Variants in KCNH8 observed in about 807,000 individuals in gnomAD.
KCNH8 encodes the protein voltage-gated delayed rectifier potassium channel KCNH8.
Under a neutral mutation model 103.6 loss-of-function variants are expected in KCNH8, and 70 were observed. The observed-to-expected ratio is 0.68, with a 90% CI of 0.56 to 0.82. KCNH8 has a LOEUF of 0.82. KCNH8 is among the 40% of genes least tolerant of loss of function. KCNH8 has a pLI of 0.00. For synonymous variants in KCNH8, 498 were observed against 489.4 expected (o/e 1.02, Z -0.23); for missense variants, 1,217 against 1,329.9 (o/e 0.92, Z 1.32).
At chr3:19,479,826 G>A (rs1050886113) in intron 11 of KCNH8, among the ~76,000 whole-genome samples, 1 of 152,142 alleles carries the variant, frequency 6.6e-6, no homozygotes, top group Non-Finnish European at 1.5e-5. Context: ...ACCAATACTG[G>A]TTATGTTGCT....
intron 11 of KCNH8, among the ~76,000 whole-genome samples, chr3:19,467,467 G>C (rs1242299381): frequency 1.3e-5 from 2 of 152,166 alleles, no homozygotes; most frequent in East Asian, 3.9e-4. Context: ...TGACAGTCAT[G>C]CAACTTGGGT....
chr3:19,401,114 T>G (rs10514673), intron 7 of KCNH8, among the ~76,000 whole-genome samples: 6,644 of 152,024 alleles, frequency 0.044, 298 homozygotes, highest in East Asian at 0.2. Flanking sequence ...TGCACTGGAA[T>G]GAACCAAGGA....
intron 3 of KCNH8, among the ~76,000 whole-genome samples, chr3:19,334,589 A>G (rs1011478217): frequency 1.3e-5 from 2 of 151,950 alleles, no homozygotes; most frequent in Non-Finnish European, 2.9e-5. Flanking sequence ...AGCAAAACTA[A>G]AAGTCCAGTC....
chr3:19,182,981 G>C (rs2125203821), intron 1 of KCNH8, among the ~76,000 whole-genome samples: 1 of 152,336 alleles, frequency 6.6e-6, no homozygotes, highest in South Asian at 2.1e-4. Context: ...AAAAATTTAA[G>C]TAGTTTTCAA....
intron 1 of KCNH8, among the ~76,000 whole-genome samples, chr3:19,247,946 T>C (rs76921314): frequency 6.6e-6 from 1 of 152,126 alleles, no homozygotes; most frequent in Non-Finnish European, 1.5e-5. Flanking sequence ...CTACTTAGAG[T>C]TGTGATTCTC....
chr3:19,476,453 G>A (rs2067978488), intron 11 of KCNH8, among the ~76,000 whole-genome samples: 1 of 152,104 alleles, frequency 6.6e-6, no homozygotes, highest in Non-Finnish European at 1.5e-5. Flanking sequence ...TGGGTATCCT[G>A]AAAATCTTAT....
intron 7 of KCNH8, among the ~76,000 whole-genome samples, chr3:19,437,174 T>C (rs1472878940): frequency 6.6e-6 from 1 of 152,194 alleles, no homozygotes; most frequent in Non-Finnish European, 1.5e-5. Flanking sequence ...GTAGTTAGTA[T>C]CCATTACAAA....
chr3:19,246,496 C>T (rs1575465951), intron 1 of KCNH8, among the ~76,000 whole-genome samples: 1 of 151,830 alleles, frequency 6.6e-6, no homozygotes, highest in East Asian at 1.9e-4. Context: ...AGGATGGTCT[C>T]GATCTCTTGA....
chr3:19,227,223 T>C (rs562150595), intron 1 of KCNH8, among the ~76,000 whole-genome samples: 1 of 152,366 alleles, frequency 6.6e-6, no homozygotes, highest in South Asian at 2.1e-4. Context: ...AGCAACTCTG[T>C]TGTCCTTAAT....
intron 5 of KCNH8, among the ~76,000 whole-genome samples, chr3:19,361,202 A>C (rs971790687): frequency 6.6e-6 from 1 of 152,140 alleles, no homozygotes; most frequent in Non-Finnish European, 1.5e-5. Flanking sequence ...AACAACAAGA[A>C]AAAGAAGTCA....
intron 7 of KCNH8, among the ~76,000 whole-genome samples, chr3:19,410,192 A>G (rs1272089805): frequency 1.3e-5 from 2 of 152,150 alleles, no homozygotes; most frequent in Non-Finnish European, 2.9e-5. Context: ...CATACAAACT[A>G]TAGTCTCAGA....
chr3:19,170,749 CACAT>C (rs1240656485), intron 1 of KCNH8, among the ~76,000 whole-genome samples: 1 of 119,558 alleles, frequency 8.4e-6, no homozygotes, highest in East Asian at 2.3e-4. Flanking sequence ...TATATACACA[CACAT>C]ATATATACAC....
intron 7 of KCNH8, among the ~76,000 whole-genome samples, chr3:19,425,564 A>G (rs1050185567): frequency 2.0e-5 from 3 of 152,192 alleles, no homozygotes; most frequent in African/African-American, 7.2e-5. Context: ...GTAATGTTTT[A>G]GTCCCCTGGT....
intron 7 of KCNH8, among the ~76,000 whole-genome samples, chr3:19,399,874 G>A (rs182958259): frequency 6.6e-6 from 1 of 151,994 alleles, no homozygotes; most frequent in East Asian, 1.9e-4. Context: ...AGCAGGATGT[G>A]TAGACTCAGA....
intron 3 of KCNH8, among the ~76,000 whole-genome samples, chr3:19,289,045 T>A (rs1194721171): frequency 6.6e-6 from 1 of 152,214 alleles, no homozygotes; most frequent in Non-Finnish European, 1.5e-5. Flanking sequence ...GAAGTGTGGG[T>A]TCATATCCTT....
chr3:19,389,595 TA>T (rs1478654884), intron 5 of KCNH8, among the ~76,000 whole-genome samples: 1 of 152,030 alleles, frequency 6.6e-6, no homozygotes, highest in East Asian at 1.9e-4. Flanking sequence ...TTATATAAAA[TA>T]AGGAATATAG....
chr3:19,521,292 A>G (rs1396827390), intron 15 of KCNH8, among the ~76,000 whole-genome samples: 1 of 152,038 alleles, frequency 6.6e-6, no homozygotes, highest in East Asian at 1.9e-4. Context: ...CACTTTGGAA[A>G]GAGACAAATA....
intron 11 of KCNH8, among the ~76,000 whole-genome samples, chr3:19,481,185 A>C (rs901670604): frequency 1.3e-5 from 2 of 152,056 alleles, no homozygotes; most frequent in African/African-American, 4.8e-5. Context: ...TATTTATATA[A>C]ATTTATGGGG....
intron 2 of KCNH8, among the ~76,000 whole-genome samples, chr3:19,276,512 CT>C (rs1293083647): frequency 1.3e-5 from 2 of 152,088 alleles, no homozygotes; most frequent in Non-Finnish European, 2.9e-5. Flanking sequence ...CCATATCTCA[CT>C]TTGACCTATT....
Sources: gnomAD v4.1 joint callset for allele counts (sites outside exome capture counted in the v4.1 genomes callset) on GRCh38, gnomAD v4.1.1 for gene constraint, MANE v1.5 for transcripts, NCBI Gene and HGNC (gene_info 2026-07-23, HGNC 2026-07-21) for gene names.